Variants in VPS8 observed in about 807,000 individuals in gnomAD.
The protein encoded by VPS8 is vacuolar protein sorting-associated protein 8 homolog.
A neutral mutation model predicts 216.4 loss-of-function variants in VPS8; 129 were observed. That is an observed-to-expected ratio of 0.60 (90% CI 0.52 to 0.69). VPS8 has a LOEUF of 0.69. Ranked by LOEUF, VPS8 falls within the 30% of genes least tolerant of loss-of-function variation. The pLI is 0.00. For missense variants in VPS8, 1,531 were observed against 1,683.5 expected (o/e 0.91, Z 1.59); for synonymous variants, 571 against 565.4 (o/e 1.01, Z -0.14).
At chr3:184,839,607 C>T (rs1721742202) in intron 6 of VPS8, 91 bp from the exon 7 acceptor site, 5 of 1,261,476 alleles carry the variant, frequency 4.0e-6, no homozygotes, top group Non-Finnish European at 5.5e-6. Flanking sequence ...CATCTGGTGC[C>T]TAGAGGAAGG....
chr3:184,956,363 G>T (rs1164826869), intron 36 of VPS8, among the ~76,000 whole-genome samples: 2 of 152,192 alleles, frequency 1.3e-5, no homozygotes, highest in Admixed American at 1.3e-4. Flanking sequence ...CTTCACTACA[G>T]TGGACCAAAC....
At chr3:184,828,339 A>T (rs1053519346) in intron 3 of VPS8, among the ~76,000 whole-genome samples, 4 of 152,078 alleles carry the variant, frequency 2.6e-5, no homozygotes, top group African/African-American at 9.7e-5. Context: ...GGGTTTCACC[A>T]TGTTGGCCAG....
chr3:184,838,066 C>T (rs1440679301), intron 5 of VPS8, among the ~76,000 whole-genome samples: 3 of 152,208 alleles, frequency 2.0e-5, no homozygotes, highest in Non-Finnish European at 2.9e-5. Context: ...TGATTCTTCA[C>T]ATTTAATTTG....
chr3:184,968,569 T>C (rs563518389), intron 39 of VPS8, among the ~76,000 whole-genome samples: 1 of 152,214 alleles, frequency 6.6e-6, no homozygotes, highest in African/African-American at 2.4e-5. Context: ...ATAGTAGCTA[T>C]CCATATGTGT....
At chr3:185,012,848 CAG>C (rs1214222897) in intron 45 of VPS8, among the ~76,000 whole-genome samples, 1 of 152,164 alleles carries the variant, frequency 6.6e-6, no homozygotes, top group Admixed American at 6.5e-5. Flanking sequence ...AGTTGGAAAT[CAG>C]GGGTCTCACA....
intron 36 of VPS8, among the ~76,000 whole-genome samples, chr3:184,947,819 G>T (rs1471308247): frequency 4.6e-5 from 7 of 152,082 alleles, no homozygotes; most frequent in Non-Finnish European, 8.8e-5. Flanking sequence ...TAAATAATTT[G>T]TATGATTTCT....
chr3:184,999,577 C>A, intron 44 of VPS8, 119 bp from the exon 45 acceptor site: 2 of 1,211,304 alleles, frequency 1.7e-6, no homozygotes, highest in African/African-American at 1.5e-5. Context: ...TTACCCTGTA[C>A]AGCCATCAGT....
intron 14 of VPS8, among the ~76,000 whole-genome samples, chr3:184,858,537 G>A (rs1408939180): frequency 3.3e-5 from 5 of 152,204 alleles, no homozygotes; most frequent in East Asian, 1.9e-4. Flanking sequence ...ATTAGAAGAC[G>A]AAAGTCACAA....
chr3:184,959,578 C>T (rs962682102), intron 37 of VPS8, among the ~76,000 whole-genome samples: 1 of 152,066 alleles, frequency 6.6e-6, no homozygotes, highest in Non-Finnish European at 1.5e-5. Context: ...TGGAAAGCAA[C>T]GTATAAAAAG....
intron 7 of VPS8, 52 bp downstream of exon 7, chr3:184,839,804 T>G (rs1178364980): frequency 1.9e-6 from 3 of 1,552,838 alleles, no homozygotes; most frequent in Admixed American, 4.0e-5. Flanking sequence ...CCTTTTGGGT[T>G]TTATAATGTC....
intron 8 of VPS8, among the ~76,000 whole-genome samples, chr3:184,845,775 A>AG (rs1723012671): frequency 1.3e-5 from 2 of 151,272 alleles, no homozygotes; most frequent in African/African-American, 4.9e-5. Flanking sequence ...AAAAAAAAAA[A>AG]TGTATGAAGG....
chr3:184,932,974 C>T (rs914495619), intron 34 of VPS8, among the ~76,000 whole-genome samples: 2 of 152,208 alleles, frequency 1.3e-5, no homozygotes, highest in African/African-American at 4.8e-5. Context: ...CAGTGATTCT[C>T]AGTTTCATCC....
chr3:185,011,304 T>C (rs1010937987), intron 45 of VPS8, among the ~76,000 whole-genome samples: 1 of 152,172 alleles, frequency 6.6e-6, no homozygotes, highest in South Asian at 2.1e-4. Flanking sequence ...GGAAGCAAAC[T>C]AGACGAGCTC....
chr3:184,982,032 G>A (rs1454068905), intron 40 of VPS8, among the ~76,000 whole-genome samples: 2 of 151,404 alleles, frequency 1.3e-5, no homozygotes, highest in South Asian at 2.1e-4. Flanking sequence ...TTCCTGGTCC[G>A]TGATGACTTA....
At position 184,863,572 on chromosome 3, in the gene VPS8, A is replaced by G. The variant is rs928386155; in HGVS notation, c.1395+505A>G. On this transcript the variant is annotated intron_variant, in intron 16 of 47. Coordinates refer to ENST00000625842, the MANE Select transcript of VPS8 (RefSeq NM_001009921.3). ...AAAGAAGATATTCTAGAAATAGGTGATAGATGAGATGCAGGAGCCTAGAGA... is the reference window on the plus strand; with the variant it reads ...AAAGAAGATATTCTAGAAATAGGTGGTAGATGAGATGCAGGAGCCTAGAGA... Among the ~76,000 whole-genome samples the G allele has an allele frequency of 3.9e-5, 6 of 152,208 alleles. No homozygotes were observed. The East Asian group carries it at 5.8e-4, about 15-fold the overall frequency.
chr3:184,853,673 T>C (rs981734480), intron 11 of VPS8, among the ~76,000 whole-genome samples, 184 bp from the exon 12 acceptor site: 1 of 152,176 alleles, frequency 6.6e-6, no homozygotes, highest in Non-Finnish European at 1.5e-5. Flanking sequence ...GTGGACTGTT[T>C]TTGGCAGAAA....
intron 7 of VPS8, among the ~76,000 whole-genome samples, 175 bp from the exon 8 acceptor site, chr3:184,843,065 A>G (rs576032204): frequency 8.5e-5 from 13 of 152,264 alleles, no homozygotes; most frequent in African/African-American, 3.1e-4. Context: ...CCCATAGCTG[A>G]GCATAATCAT....
chr3:185,008,573 G>A (rs1259152671), intron 45 of VPS8, among the ~76,000 whole-genome samples: 1 of 152,044 alleles, frequency 6.6e-6, no homozygotes, highest in Non-Finnish European at 1.5e-5. Flanking sequence ...GGAAACGTAC[G>A]TTAGGTGGTT....
chr3:184,877,798 G>A (rs1164762587), intron 21 of VPS8, among the ~76,000 whole-genome samples: 3 of 152,140 alleles, frequency 2.0e-5, no homozygotes, highest in Non-Finnish European at 4.4e-5. Context: ...AAACAGAGAG[G>A]ACTAAGTAAT....
Sources: allele counts gnomAD v4.1 joint callset (sites outside exome capture counted in the v4.1 genomes callset), GRCh38; gene constraint gnomAD v4.1.1; transcripts MANE v1.5; gene names NCBI Gene and HGNC (gene_info 2026-07-23, HGNC 2026-07-21).